The following SLC22A4 variants were observed in gnomAD, a reference collection of about 807,000 sequenced individuals.
SLC22A4 encodes solute carrier family 22 member 4.
In SLC22A4, 39 loss-of-function variants were observed where a neutral mutation model predicts 56.6. The ratio of observed to expected loss-of-function variants is 0.69; its 90% CI spans 0.53 to 0.90. The LOEUF is 0.90. Among genes scored for constraint, SLC22A4 ranks in the 40% least tolerant of loss-of-function variants. The probability of loss-of-function intolerance (pLI) is 0.00; values close to 1 mark genes in which losing one functional copy is unlikely to be tolerated. For synonymous variants in SLC22A4, 241 were observed against 281.4 expected (o/e 0.86, Z 1.44); for missense variants, 594 against 696.5 (o/e 0.85, Z 1.66).
intron 3 of SLC22A4, among the ~76,000 whole-genome samples, chr5:132,318,496 A>G (rs1313232721): frequency 6.6e-6 from 1 of 152,104 alleles, no homozygotes; most frequent in African/African-American, 2.4e-5. Flanking sequence ...CAGCTGCACT[A>G]CAGTCTTGTT....
intron 3 of SLC22A4, among the ~76,000 whole-genome samples, chr5:132,315,529 T>G (rs1417562032): frequency 6.6e-6 from 1 of 152,096 alleles, no homozygotes; most frequent in Non-Finnish European, 1.5e-5. Context: ...CCAGGCTTCC[T>G]ACAGGAAAGG....
chr5:132,313,888 A>G (rs1423329280), intron 3 of SLC22A4, 120 bp downstream of exon 3: 10 of 1,089,884 alleles, frequency 9.2e-6, no homozygotes, highest in African/African-American at 1.5e-5. Flanking sequence ...GTGTCTTGGG[A>G]GGGAGCCGTA....
At chr5:132,331,365 A>G (rs1435829763) in intron 5 of SLC22A4, among the ~76,000 whole-genome samples, 1 of 152,114 alleles carries the variant, frequency 6.6e-6, no homozygotes, top group Admixed American at 6.5e-5. Context: ...AGAGAAGTGT[A>G]AAAAGCAGAC....
At chr5:132,328,838 T>TATAC (rs1468955905) in intron 5 of SLC22A4, among the ~76,000 whole-genome samples, 9 of 138,674 alleles carry the variant, frequency 6.5e-5, no homozygotes, top group African/African-American at 2.5e-4. Context: ...TATATATATA[T>TATAC]ACACACACAC....
rs944709334 is a variant in SLC22A4 at position 132,334,091 on chromosome 5, G to C, written c.1047-627G>C. Among the ~76,000 whole-genome samples the C allele has an allele frequency of 3.5e-4, 54 of 152,320 alleles. 1 individual carries two copies. The highest frequency in any genetic ancestry group is 1.3e-3 in the African/African-American group (54 of 41,578). Reference sequence around the variant, plus strand: ...CCCAAAGTGCTGGGATTTCAGGCATGAGCCACCACGCATGGCCCACAGAGA... The same window carrying C: ...CCCAAAGTGCTGGGATTTCAGGCATCAGCCACCACGCATGGCCCACAGAGA... On this transcript the variant is annotated intron_variant, in intron 6 of 9. Coordinates refer to ENST00000200652, the MANE Select transcript of SLC22A4 (RefSeq NM_003059.3).
intron 5 of SLC22A4, among the ~76,000 whole-genome samples, chr5:132,328,388 C>T (rs760567242): frequency 6.6e-6 from 1 of 152,156 alleles, no homozygotes; most frequent in Non-Finnish European, 1.5e-5. Context: ...TGCCACTGCT[C>T]ACCCCCACGG....
At chr5:132,314,515 G>C (rs1300710139) in intron 3 of SLC22A4, among the ~76,000 whole-genome samples, 1 of 152,192 alleles carries the variant, frequency 6.6e-6, no homozygotes, top group Non-Finnish European at 1.5e-5. Context: ...CAGAGGTGAG[G>C]GGTATCCCTG....
intron 1 of SLC22A4, among the ~76,000 whole-genome samples, chr5:132,297,753 TG>T (rs1307956197): frequency 6.6e-6 from 1 of 151,888 alleles, no homozygotes; most frequent in Non-Finnish European, 1.5e-5. Context: ...AAGACAGCAC[TG>T]GGCAACATAG....
At chr5:132,320,066 G>T (rs1750484642) in intron 3 of SLC22A4, among the ~76,000 whole-genome samples, 1 of 152,176 alleles carries the variant, frequency 6.6e-6, no homozygotes, top group South Asian at 2.1e-4. Context: ...GACTAAAAAG[G>T]AATTATTTCA....
intron 1 of SLC22A4, among the ~76,000 whole-genome samples, chr5:132,297,489 C>A (rs1231758879): frequency 6.6e-6 from 1 of 152,156 alleles, no homozygotes; most frequent in East Asian, 1.9e-4. Flanking sequence ...AGTTTTGACT[C>A]CACTGCCAAC....
At position 132,313,705 on chromosome 5, in the gene SLC22A4, A is replaced by G; in HGVS notation, c.589A>G (p.Thr197Ala). 1 of 1,614,102 alleles carries G rather than the reference A, an allele frequency of 6.2e-7. No individual in the cohort carries two copies. The highest frequency in any genetic ancestry group is 8.5e-7 in the Non-Finnish European group (1 of 1,179,978). The change falls in exon 3 of 10, where the codon ACT becomes GCT. Residue 197 changes from threonine (T) to alanine (A), a missense_variant. Physicochemically the swap from Thr to Ala is moderately conservative, Grantham distance 58. Transcript: ENST00000200652. ...TTTCTCCATCAGCTGGGAGATGTTC[A>G]CTGTGTTATTTGTCATCGTGGGCAT... ...QIFSISWEMF[T>A]VLFVIVGMGQ... is the part of the protein sequence containing the mutation.
At chr5:132,337,094 T>G (rs1751045937) in intron 8 of SLC22A4, among the ~76,000 whole-genome samples, 2 of 150,748 alleles carry the variant, frequency 1.3e-5, no homozygotes. Context: ...TGAATTTACT[T>G]ACGTATATTT....
intron 1 of SLC22A4, chr5:132,295,418 T>G: frequency 2.4e-6 from 1 of 412,656 alleles, no homozygotes. Flanking sequence ...GGCCAAATCT[T>G]GTCTGTTCCC....
At chr5:132,327,108 G>C (rs1358300001) in intron 4 of SLC22A4, among the ~76,000 whole-genome samples, 169 bp from the exon 5 acceptor site, 1 of 152,206 alleles carries the variant, frequency 6.6e-6, no homozygotes, top group Non-Finnish European at 1.5e-5. Context: ...TTTGAAACTT[G>C]AAGGTGGTTT....
At chr5:132,336,132 G>A in intron 8 of SLC22A4, 132 bp downstream of exon 8, 1 of 917,852 alleles carries the variant, frequency 1.1e-6, no homozygotes, top group Non-Finnish European at 1.7e-6. Context: ...TCCTCTCCCA[G>A]GAGGAGCTCT....
intron 1 of SLC22A4, among the ~76,000 whole-genome samples, chr5:132,308,301 T>C (rs1750088569): frequency 6.6e-6 from 1 of 151,942 alleles, no homozygotes. Context: ...ACCATGTCTT[T>C]CTTGTGCCCT....
In SLC22A4 at chr5:132,327,343, C is replaced by T. The variant is rs1750716648; in HGVS notation, c.891C>T (p.Ile297=). The change falls in exon 5 of 10, where the codon ATC becomes ATT. Residue 297 remains isoleucine, a synonymous_variant. Transcript: ENST00000200652. ...GATTTAGAGAGGCTGAAGATATCAT[C>T]CAAAAAGCTGCAAAAATGAACAACA... ...QRRFREAEDI[I]QKAAKMNNIA... is the part of the protein sequence containing the mutation. The T allele has an allele frequency of 4.3e-6, 7 of 1,610,364 alleles. No individual in the cohort carries two copies. Among genetic ancestry groups the T allele is most frequent in the Non-Finnish European group, 5.9e-6 (7 of 1,176,652 alleles).
intron 3 of SLC22A4, among the ~76,000 whole-genome samples, chr5:132,321,933 T>A (rs1457211198): frequency 2.6e-5 from 4 of 151,504 alleles, no homozygotes. Flanking sequence ...AATAATAAAT[T>A]AATTAAAAAT....
At chr5:132,310,170 C>T (rs1417106119) in intron 1 of SLC22A4, among the ~76,000 whole-genome samples, 1 of 152,224 alleles carries the variant, frequency 6.6e-6, no homozygotes, top group Non-Finnish European at 1.5e-5. Context: ...AAGCAGGACA[C>T]TGGTACAAGA....
Sources: gnomAD v4.1 joint callset for allele counts (sites outside exome capture counted in the v4.1 genomes callset) on GRCh38, gnomAD v4.1.1 for gene constraint, MANE v1.5 for transcripts, NCBI Gene and HGNC (gene_info 2026-07-23, HGNC 2026-07-21) for gene names.